Variants in NALF1 observed in about 807,000 individuals in gnomAD.
The protein encoded by NALF1 is family with sequence similarity 155 member A.
A neutral mutation model predicts 48.4 loss-of-function variants in NALF1; 3 were observed. The observed-to-expected ratio is 0.06, with a 90% CI of 0.03 to 0.16. NALF1 has a LOEUF of 0.16. NALF1 is among the 10% of genes least tolerant of loss of function. The pLI is 1.00. For missense variants in NALF1, 526 were observed against 571.5 expected (o/e 0.92, Z 0.81); for synonymous variants, 262 against 245.7 (o/e 1.07, Z -0.62).
intron 1 of NALF1, among the ~76,000 whole-genome samples, chr13:107,821,211 AAG>A (rs1003816116): frequency 6.6e-6 from 1 of 152,212 alleles, no homozygotes; most frequent in African/African-American, 2.4e-5. Context: ...ATTTAAAAGA[AAG>A]AGAATTGTCT....
At chr13:107,292,308 A>G (rs9520366) in intron 1 of NALF1, among the ~76,000 whole-genome samples, 81,522 of 152,000 alleles carry the variant, frequency 0.54, 22,193 homozygotes, top group East Asian at 0.62. Context: ...AAGTTGCTCT[A>G]GGTGAGTCAG....
At chr13:107,503,076 G>A (rs573746046) in intron 1 of NALF1, among the ~76,000 whole-genome samples, 1 of 152,116 alleles carries the variant, frequency 6.6e-6, no homozygotes, top group Non-Finnish European at 1.5e-5. Context: ...AAATAAAACT[G>A]AATGTGAATG....
intron 1 of NALF1, among the ~76,000 whole-genome samples, chr13:107,546,611 TTAA>T (rs1466382917): frequency 6.6e-6 from 1 of 152,092 alleles, no homozygotes; most frequent in Non-Finnish European, 1.5e-5. Flanking sequence ...TAAGGCAAGC[TTAA>T]TTATTTTGTG....
chr13:107,401,115 TA>T, intron 1 of NALF1, among the ~76,000 whole-genome samples: 1 of 152,162 alleles, frequency 6.6e-6, no homozygotes, highest in East Asian at 1.9e-4. Context: ...TAAACAATTC[TA>T]AAAGTTTAAA....
chr13:107,692,054 C>T (rs530191189), intron 1 of NALF1, among the ~76,000 whole-genome samples: 11 of 152,160 alleles, frequency 7.2e-5, no homozygotes, highest in South Asian at 4.1e-4. Context: ...TAAAATCTTA[C>T]GGACAAATGA....
rs149208918 is a variant in NALF1, at chr13:107,626,558, A to C, written c.915+239124T>G. 2.4e-3 allele frequency among the ~76,000 whole-genome samples: 360 copies of C among 152,286 alleles called. 2 individuals carry two copies. The highest frequency in any genetic ancestry group is 5.2e-3 in the Admixed American group (79 of 15,276). On this transcript the variant is annotated intron_variant, in intron 1 of 2. Coordinates refer to ENST00000375915, the MANE Select transcript of NALF1 (RefSeq NM_001080396.3). The stretch of plus-strand genomic sequence containing the variant: ...ATGAATGGATGATGAGAATGTGTAA[A>C]TATATAAAATGGAATATTACTTAGC...
At chr13:107,647,596 G>A (rs1455771464) in intron 1 of NALF1, among the ~76,000 whole-genome samples, 1 of 151,854 alleles carries the variant, frequency 6.6e-6, no homozygotes, top group Non-Finnish European at 1.5e-5. Context: ...ATAAACTTTT[G>A]TATTAAAAAA....
chr13:107,532,158 A>G (rs1443523341), intron 1 of NALF1, among the ~76,000 whole-genome samples: 2 of 151,834 alleles, frequency 1.3e-5, no homozygotes, highest in East Asian at 1.9e-4. Flanking sequence ...ACAACCAAGA[A>G]CAAAATGAAA....
intron 2 of NALF1, among the ~76,000 whole-genome samples, chr13:107,198,163 A>T (rs1164707398): frequency 6.6e-6 from 1 of 152,192 alleles, no homozygotes; most frequent in East Asian, 1.9e-4. Context: ...ATTTTCAGCA[A>T]TATTGAGCAG....
At chr13:107,528,384 A>C (rs1271042324) in intron 1 of NALF1, among the ~76,000 whole-genome samples, 2 of 152,204 alleles carry the variant, frequency 1.3e-5, no homozygotes, top group Admixed American at 6.6e-5. Context: ...GTGACATATC[A>C]GTTACTTGTA....
intron 1 of NALF1, among the ~76,000 whole-genome samples, chr13:107,565,267 C>T (rs961811464): frequency 6.6e-6 from 1 of 151,158 alleles, no homozygotes; most frequent in Admixed American, 6.6e-5. Context: ...CACTTGTAAT[C>T]CCATCACTTT....
chr13:107,519,978 C>T lies in NALF1; in HGVS notation c.916-309223G>A, dbSNP rs190862817. Reference sequence around the variant, plus strand: ...CTTGCATTAATTTTTATGAAATATGCTTTAAAAATTGGAATTGCGGAAGTA... The same window carrying T: ...CTTGCATTAATTTTTATGAAATATGTTTTAAAAATTGGAATTGCGGAAGTA... On this transcript the variant is annotated intron_variant, in intron 1 of 2. Coordinates refer to ENST00000375915, the MANE Select transcript of NALF1 (RefSeq NM_001080396.3). Among the ~76,000 whole-genome samples the T allele has an allele frequency of 3.3e-5, 5 of 152,178 alleles. No individual in the cohort carries two copies. In the East Asian group the frequency reaches 7.7e-4, roughly 23 times the overall value.
At chr13:107,719,833 C>T (rs1875931446) in intron 1 of NALF1, among the ~76,000 whole-genome samples, 1 of 152,138 alleles carries the variant, frequency 6.6e-6, no homozygotes, top group Non-Finnish European at 1.5e-5. Context: ...TACCAACAGT[C>T]TAATGGGTGC....
At chr13:107,508,671 T>TA (rs1453251416) in intron 1 of NALF1, among the ~76,000 whole-genome samples, 3 of 152,052 alleles carry the variant, frequency 2.0e-5, no homozygotes, top group Non-Finnish European at 4.4e-5. Flanking sequence ...AGCAGTTTGC[T>TA]AAAAAAGCAG....
intron 1 of NALF1, among the ~76,000 whole-genome samples, chr13:107,689,730 AG>A (rs1302370015): frequency 2.0e-5 from 3 of 152,210 alleles, no homozygotes; most frequent in Non-Finnish European, 4.4e-5. Context: ...TTCTAGAAAA[AG>A]TCTTAAGATT....
intron 1 of NALF1, among the ~76,000 whole-genome samples, chr13:107,649,648 T>C (rs1038454121): frequency 6.6e-6 from 1 of 152,192 alleles, no homozygotes; most frequent in African/African-American, 2.4e-5. Flanking sequence ...AAGTGGTAAG[T>C]TGAACAGTCA....
chr13:107,816,985 T>C (rs773797713), intron 1 of NALF1, among the ~76,000 whole-genome samples: 11 of 152,242 alleles, frequency 7.2e-5, no homozygotes, highest in Non-Finnish European at 1.2e-4. Context: ...GAATTTAATA[T>C]AAATGTAGGG....
At chr13:107,352,226 G>T (rs1371423151) in intron 1 of NALF1, among the ~76,000 whole-genome samples, 1 of 152,158 alleles carries the variant, frequency 6.6e-6, no homozygotes, top group Non-Finnish European at 1.5e-5. Flanking sequence ...GGGAAGGAAA[G>T]TCTAATGGTA....
intron 1 of NALF1, among the ~76,000 whole-genome samples, chr13:107,397,951 C>T (rs955597772): frequency 2.0e-5 from 3 of 152,058 alleles, no homozygotes; most frequent in African/African-American, 4.8e-5. Flanking sequence ...GGTTAATATG[C>T]TGTTACATAA....
Sources: allele counts gnomAD v4.1 joint callset (sites outside exome capture counted in the v4.1 genomes callset), GRCh38; gene constraint gnomAD v4.1.1; transcripts MANE v1.5; gene names NCBI Gene and HGNC (gene_info 2026-07-23, HGNC 2026-07-21).